CDKAL1: variants seen among roughly 807,000 people sequenced by gnomAD.
The protein encoded by CDKAL1 is CDKAL1 threonylcarbamoyladenosine tRNA methylthiotransferase.
CDKAL1 carries 32 observed loss-of-function variants against 68.2 expected under a neutral mutation model. The ratio of observed to expected loss-of-function variants is 0.47; its 90% CI spans 0.35 to 0.63. The LOEUF (loss-of-function observed/expected upper bound fraction) is 0.63. Ranked by LOEUF, CDKAL1 falls within the 30% of genes least tolerant of loss-of-function variation. The pLI is 0.00. For missense variants in CDKAL1, 606 were observed against 696.7 expected, an observed-to-expected ratio of 0.87 and a Z score of 1.47; for synonymous variants, 234 against 244.3, an observed-to-expected ratio of 0.96 and a Z score of 0.39.
intron 5 of CDKAL1, among the ~76,000 whole-genome samples, chr6:20,727,287 A>G (rs1164828045): frequency 2.6e-5 from 4 of 152,208 alleles, no homozygotes; most frequent in Non-Finnish European, 4.4e-5. Context: ...TAGGCTCAGT[A>G]GCTGGGGTCT....
intron 4 of CDKAL1, among the ~76,000 whole-genome samples, chr6:20,632,988 C>T (rs1387067954): frequency 6.6e-6 from 1 of 152,134 alleles, no homozygotes; most frequent in Non-Finnish European, 1.5e-5. Context: ...GCAGTGGGCA[C>T]AGAAATGAGA....
intron 9 of CDKAL1, among the ~76,000 whole-genome samples, chr6:20,913,863 C>G (rs1762591176): frequency 6.6e-6 from 1 of 152,172 alleles, no homozygotes; most frequent in Admixed American, 6.5e-5. Context: ...TGGTGGCACA[C>G]CACATAGTCC....
chr6:21,122,445 A>G (rs1774772594), intron 13 of CDKAL1, among the ~76,000 whole-genome samples: 2 of 152,080 alleles, frequency 1.3e-5, no homozygotes, highest in African/African-American at 4.8e-5. Context: ...CACAGAGTCT[A>G]TATCCTTTAT....
chr6:21,156,386 T>C (rs1243357673), intron 13 of CDKAL1, among the ~76,000 whole-genome samples: 2 of 139,236 alleles, frequency 1.4e-5, no homozygotes, highest in East Asian at 4.2e-4. Flanking sequence ...ATCGTGCCAC[T>C]GTACTCCAGC....
intron 8 of CDKAL1, among the ~76,000 whole-genome samples, chr6:20,794,666 A>AGATC (rs1776038796): frequency 6.6e-6 from 1 of 152,098 alleles, no homozygotes; most frequent in Non-Finnish European, 1.5e-5. Context: ...AGAGATTTAA[A>AGATC]ATCTTTTCAT....
At chr6:21,226,293 T>G (rs1355200916) in intron 15 of CDKAL1, among the ~76,000 whole-genome samples, 2 of 152,226 alleles carry the variant, frequency 1.3e-5, no homozygotes, top group Non-Finnish European at 2.9e-5. Context: ...AGTTTTTTTT[T>G]TTTTTTTTTG....
intron 9 of CDKAL1, among the ~76,000 whole-genome samples, chr6:20,945,532 G>A (rs1306290437): frequency 6.6e-6 from 1 of 152,070 alleles, no homozygotes; most frequent in Non-Finnish European, 1.5e-5. Flanking sequence ...CTACCTCATA[G>A]AGGCCCTATA....
At chr6:20,922,932 GTTTA>G (rs1466583355) in intron 9 of CDKAL1, among the ~76,000 whole-genome samples, 6 of 152,196 alleles carry the variant, frequency 3.9e-5, no homozygotes, top group African/African-American at 9.7e-5. Flanking sequence ...TAGGTCATAA[GTTTA>G]TTTAAGAATT....
intron 15 of CDKAL1, among the ~76,000 whole-genome samples, chr6:21,217,842 C>T (rs1779399049): frequency 6.6e-6 from 1 of 152,166 alleles, no homozygotes; most frequent in South Asian, 2.1e-4. Flanking sequence ...AGGTTGGTCT[C>T]AAACTCCTCG....
chr6:20,864,487 C>T (rs371011865), intron 9 of CDKAL1, among the ~76,000 whole-genome samples: 3 of 152,048 alleles, frequency 2.0e-5, no homozygotes, highest in South Asian at 4.1e-4. Context: ...ATGATGTTTA[C>T]ATTTTACATA....
intron 6 of CDKAL1, among the ~76,000 whole-genome samples, chr6:20,749,015 T>A (rs1048767726): frequency 7.2e-6 from 1 of 139,790 alleles, no homozygotes; most frequent in Non-Finnish European, 1.6e-5. Context: ...ATATATAAAA[T>A]GTATTCACTT....
chr6:21,226,571 G>A (rs188901711), intron 15 of CDKAL1, among the ~76,000 whole-genome samples: 75 of 152,286 alleles, frequency 4.9e-4, no homozygotes, highest in African/African-American at 1.8e-3. Context: ...GATAAATAAC[G>A]CCTTTTGCGT....
chr6:20,646,981 G>T (rs1309281445), intron 4 of CDKAL1, among the ~76,000 whole-genome samples: 2 of 152,098 alleles, frequency 1.3e-5, no homozygotes, highest in Admixed American at 1.3e-4. Context: ...CTAACCTCAG[G>T]TGATCCACCC....
intron 4 of CDKAL1, among the ~76,000 whole-genome samples, chr6:20,580,040 G>A (rs1333932247): frequency 5.9e-5 from 9 of 152,152 alleles, no homozygotes; most frequent in African/African-American, 1.9e-4. Flanking sequence ...TAGTAGATTG[G>A]TGTTTCTGGG....
chr6:20,755,069 G>C (rs974267024), intron 6 of CDKAL1, among the ~76,000 whole-genome samples: 2 of 152,080 alleles, frequency 1.3e-5, no homozygotes, highest in Non-Finnish European at 2.9e-5. Context: ...AACTGCATAG[G>C]AAAACATTTT....
intron 12 of CDKAL1, among the ~76,000 whole-genome samples, chr6:21,104,644 T>C (rs1773759765): frequency 6.6e-6 from 1 of 152,188 alleles, no homozygotes; most frequent in South Asian, 2.1e-4. Flanking sequence ...AGAATAGCAG[T>C]GGTTTTCAGT....
chr6:20,589,189 A>G lies in CDKAL1; in HGVS notation c.286+40484A>G, dbSNP rs189063735. ...AATGTTGAGGCTAGATATCATTGAT[A>G]TCATTGATTAGAACCATTAAAATAC... On this transcript the variant is annotated intron_variant, in intron 4 of 15. Transcript: ENST00000274695. 3.3e-5 allele frequency among the ~76,000 whole-genome samples: 5 copies of G among 152,326 alleles called. No individual in the cohort carries two copies. In the East Asian group the frequency reaches 7.7e-4, roughly 23 times the overall value.
At chr6:21,115,449 C>A (rs1177650413) in intron 13 of CDKAL1, among the ~76,000 whole-genome samples, 1 of 152,304 alleles carries the variant, frequency 6.6e-6, no homozygotes, top group East Asian at 1.9e-4. Context: ...ATCCGGCACT[C>A]TATGATAGCC....
intron 14 of CDKAL1, among the ~76,000 whole-genome samples, chr6:21,200,181 C>A (rs144085462): frequency 6.6e-6 from 1 of 152,224 alleles, no homozygotes; most frequent in Non-Finnish European, 1.5e-5. Flanking sequence ...ATCACACACA[C>A]AAGCTACCTG....
Sources: gnomAD v4.1 joint callset for allele counts (sites outside exome capture counted in the v4.1 genomes callset) on GRCh38, gnomAD v4.1.1 for gene constraint, MANE v1.5 for transcripts, NCBI Gene and HGNC (gene_info 2026-07-23, HGNC 2026-07-21) for gene names.